Variants in CEP290 observed in about 807,000 individuals in gnomAD.
The protein encoded by CEP290 is centrosomal protein of 290 kDa.
CEP290 carries 317 observed loss-of-function variants against 344.9 expected under a neutral mutation model. The observed-to-expected ratio is 0.92, with a 90% confidence interval of 0.84 to 1.01. CEP290 has a LOEUF of 1.01. Ranked by LOEUF, CEP290 falls within the 50% of genes least tolerant of loss-of-function variation. The probability of loss-of-function intolerance (pLI) is 0.00; values close to 1 mark genes in which losing one functional copy is unlikely to be tolerated. For missense variants in CEP290, 2,754 were observed against 2,761.4 expected, an observed-to-expected ratio of 1.00 and a Z score of 0.06; for synonymous variants, 932 against 895.8, an observed-to-expected ratio of 1.04 and a Z score of -0.72.
intron 34 of CEP290, among the ~76,000 whole-genome samples, chr12:88,085,455 A>G (rs994657715): frequency 6.6e-6 from 1 of 152,098 alleles, no homozygotes; most frequent in Admixed American, 6.5e-5. Flanking sequence ...AATGATTAAA[A>G]ATGTACAGTT....
chr12:88,087,876 G>T lies in CEP290; in HGVS notation c.4098C>A (p.Val1366=). Residue 1366 remains valine (V), a synonymous_variant, in exon 32 of 54, where the codon GTC becomes GTA. Coordinates refer to ENST00000552810, the MANE Select transcript of CEP290 (RefSeq NM_025114.4). ...AATATTTTATTTCTTCTTTATCCTT[G>T]ACTAATTCCCGATTTAGTTTAAGTT... is the stretch of plus-strand genomic sequence containing the variant. ...LQELKLNREL[V]KDKEEIKYLN... 2 of 1,231,344 alleles carry T rather than the reference G, an allele frequency of 1.6e-6. No individual in the cohort carries two copies. Among genetic ancestry groups the T allele is most frequent in the Non-Finnish European group, 1.0e-6 (1 of 960,248 alleles). 76.3% of individuals were successfully genotyped at this position (1,231,344 alleles called of 1,614,324 possible). A position where few individuals can be genotyped will look rare whatever the true frequency, so the allele number is the denominator to read the frequency against.
chr12:88,077,137 C>G (rs941857589), intron 41 of CEP290, 85 bp downstream of exon 41: 2 of 1,264,770 alleles, frequency 1.6e-6, no homozygotes, highest in Non-Finnish European at 2.2e-6. Context: ...CAAATTAAGG[C>G]AGTATATTAA....
intron 41 of CEP290, 26 bp downstream of exon 41, chr12:88,077,196 A>AT: frequency 1.3e-6 from 2 of 1,593,078 alleles, no homozygotes; most frequent in Non-Finnish European, 1.7e-6. Flanking sequence ...CCTTAAGCAT[A>AT]TAAGTCAGTA....
intron 6 of CEP290, among the ~76,000 whole-genome samples, chr12:88,133,421 T>C (rs1173812474): frequency 6.6e-6 from 1 of 152,184 alleles, no homozygotes; most frequent in Non-Finnish European, 1.5e-5. Context: ...TAGTATTCTA[T>C]GATGTATATG....
intron 1 of CEP290, 99 bp from the exon 2 acceptor site, chr12:88,141,433 C>T (rs748330021): frequency 1.1e-5 from 6 of 551,976 alleles, no homozygotes; most frequent in South Asian, 3.7e-5. Flanking sequence ...TTATAACTTT[C>T]TGATGTTAGC....
chr12:88,138,063 T>C (rs1187525662), intron 5 of CEP290, among the ~76,000 whole-genome samples: 1 of 152,186 alleles, frequency 6.6e-6, no homozygotes. Context: ...GAATTCACTA[T>C]AGTCTCTCAC....
intron 10 of CEP290, 102 bp from the exon 11 acceptor site, chr12:88,129,137 TACAC>T (rs2039911490): frequency 4.2e-6 from 2 of 475,042 alleles, no homozygotes; most frequent in Non-Finnish European, 6.6e-6. Context: ...TATATCTACA[TACAC>T]ACACATACGT....
In CEP290 at chr12:88,062,709, G is replaced by A; in HGVS notation, c.6340C>T (p.Leu2114Phe). ...KKEKAEVQRK[L>F]GHVRGSGRSG... ...TCACATACCCCTCTAACATGGCCAAGTTTCCGCTGAACTTCTGCTTTTTCT... is the reference window on the plus strand; with the variant it reads ...TCACATACCCCTCTAACATGGCCAAATTTCCGCTGAACTTCTGCTTTTTCT... Residue 2114 changes from leucine (L) to phenylalanine (F), a missense_variant, in exon 46 of 54, where the codon CTT (leucine) becomes TTT (phenylalanine). Leu to Phe is a conservative substitution (Grantham distance 22, BLOSUM62 0). Transcript: ENST00000552810. 2 of 1,604,174 alleles carry A rather than the reference G, an allele frequency of 1.2e-6. No individual in the cohort carries two copies. Among genetic ancestry groups the A allele is most frequent in the Non-Finnish European group, 1.7e-6 (2 of 1,174,634 alleles).
chr12:88,060,022 T>C lies in CEP290; in HGVS notation c.6523-2A>G, dbSNP rs2034343877. The C allele has an allele frequency of 2.0e-6, 3 of 1,536,222 alleles. No individual in the cohort carries two copies. Among genetic ancestry groups the C allele is most frequent in the Middle Eastern group, 1.7e-4 (1 of 5,962 alleles). ...AGCTTTAAGTTTTTCTAATTCAGCC[T>C]AGTAAAAAAACAAACAAAATAAAAA... is the stretch of plus-strand genomic sequence containing the variant. On this transcript the variant is annotated splice_acceptor_variant, in intron 47 of 53. Transcript: ENST00000552810. LOFTEE classifies it high-confidence loss of function.
chr12:88,138,144 G>A (rs1445677513), intron 5 of CEP290, among the ~76,000 whole-genome samples: 3 of 151,868 alleles, frequency 2.0e-5, no homozygotes, highest in African/African-American at 4.8e-5. Context: ...CCTGTCCTTC[G>A]ACCTCACAGG....
rs531851010 is a variant in CEP290, at chr12:88,136,802, C to A, written c.298-16G>T. ...GCTGAGCCATCTTAAAGTAATAAAC[C>A]CAAAGTATAAATTAATCCCATTATA... On this transcript the variant is annotated splice_polypyrimidine_tract_variant and intron_variant, in intron 5 of 53. Transcript: ENST00000552810. 1.5e-5 allele frequency: 24 copies of A among 1,610,840 alleles called. No individual in the cohort carries two copies. The East Asian group carries it at 4.2e-4, about 28-fold the overall frequency.
chr12:88,114,536 G>A lies in CEP290; in HGVS notation c.1936C>T (p.Gln646Ter), dbSNP rs780225183. ...KLKELVEENKQLEEGMKEILQ... is the reference protein window; with the variant it reads ...KLKELVEENK ...ATTTCTTTCATACCTTCTTCAAGTT[G>A]CTTATTTTCTTCAACTAATTCTTTT... The change falls in exon 20 of 54, where the codon CAA (glutamine) becomes TAA (stop). Residue 646 changes from glutamine (Q) to a stop codon, truncating the protein, a stop_gained. Coordinates refer to ENST00000552810, the MANE Select transcript of CEP290 (RefSeq NM_025114.4). LOFTEE classifies it high-confidence loss of function. 12 of 1,536,580 alleles carry A rather than the reference G, an allele frequency of 7.8e-6. No homozygotes were observed. Among genetic ancestry groups the A allele is most frequent in the Non-Finnish European group, 1.1e-5 (12 of 1,141,496 alleles).
rs1267404843 is a variant in CEP290 at position 88,129,735 on chromosome 12, T to G, written c.811A>C (p.Ile271Leu). 2 of 1,474,320 alleles carry G rather than the reference T, an allele frequency of 1.4e-6. No individual in the cohort carries two copies. The highest frequency in any genetic ancestry group is 4.7e-5 in the Admixed American group (2 of 42,644). 91.3% of individuals were successfully genotyped at this position (1,474,320 alleles called of 1,614,324 possible). Residue 271 changes from isoleucine to leucine, a missense_variant, in exon 10 of 54, where the codon ATA (isoleucine) becomes CTA (leucine). Ile to Leu is a conservative substitution (Grantham distance 5). Coordinates refer to ENST00000552810, the MANE Select transcript of CEP290 (RefSeq NM_025114.4). ...TCGTTTTCTTTTTTTAACTGATCTATTACATTATCTGTCTGATGCACAATA... is the reference window on the plus strand; with the variant it reads ...TCGTTTTCTTTTTTTAACTGATCTAGTACATTATCTGTCTGATGCACAATA... Reference protein sequence around the residue: ...KAIVHQTDNVIDQLKKENDHY... With the variant: ...KAIVHQTDNVLDQLKKENDHY...
rs1301298077 is a variant in CEP290 at position 88,084,809 on chromosome 12, T to C, written c.4481A>G (p.Asn1494Ser). ...GATTACTTTGTCTCTTGACAGTATA[T>C]TTTGTTCTGCTAACCTTAAAGCAGA... ...KESALRLAEQNILSRDKVINE... is the reference protein window; with the variant it reads ...KESALRLAEQSILSRDKVINE... Residue 1494 changes from asparagine to serine, a missense_variant, in exon 35 of 54, where the codon AAT (asparagine) becomes AGT (serine). Asn to Ser is a conservative substitution (Grantham distance 46). Transcript: ENST00000552810. 1.2e-6 allele frequency: 2 copies of C among 1,607,966 alleles called. No homozygotes were observed. The highest frequency in any genetic ancestry group is 1.7e-6 in the Non-Finnish European group (2 of 1,177,572).
At chr12:88,115,950 A>G (rs1407817862) in intron 18 of CEP290, 2 of 984,588 alleles carry the variant, frequency 2.0e-6, no homozygotes, top group East Asian at 1.1e-4. Flanking sequence ...TTTCAAATTG[A>G]TATCAGCATA....
Position 88,050,406 on chromosome 12 carries a change from TTTA to T in CEP290, c.7154_7156del (p.Ile2385del). ...CATTTTGAGCTGTGTCTCTAGATCT[TTTA>T]TTTTTTCCTTTAGTTGATCAGCATC... On this transcript the variant is annotated inframe_deletion, in exon 53 of 54. Coordinates refer to ENST00000552810, the MANE Select transcript of CEP290 (RefSeq NM_025114.4). 1 of 1,563,598 alleles carries T rather than the reference TTTA, an allele frequency of 6.4e-7. No homozygotes were observed. The highest frequency in any genetic ancestry group is 1.2e-5 in the South Asian group (1 of 85,546).
In CEP290 at chr12:88,064,245, T is replaced by C. The variant is rs2034716584; in HGVS notation, c.6136-130A>G. On this transcript the variant is annotated intron_variant, in intron 44 of 53. Transcript: ENST00000552810. ...AAAGGAATATGAGAAAATCGGAGTG[T>C]TCTGGTGAAAGCCAAAAATAAATAA... is the stretch of plus-strand genomic sequence containing the variant. The C allele has an allele frequency of 6.8e-6, 5 of 734,778 alleles. No homozygotes were observed. In the South Asian group the frequency reaches 8.4e-5, roughly 12 times the overall value. 45.5% of individuals were successfully genotyped at this position (734,778 alleles called of 1,614,324 possible).
intron 44 of CEP290, among the ~76,000 whole-genome samples, chr12:88,067,416 G>A (rs941207877): frequency 2.6e-5 from 4 of 152,140 alleles, no homozygotes; most frequent in African/African-American, 4.8e-5. Flanking sequence ...GGACGGCCAC[G>A]TAGCCAAACC....
chr12:88,071,377 TCCCAAAACCTGATCAACA>T lies in CEP290; in HGVS notation c.5910_5927del (p.Val1971_Gly1976del), dbSNP rs2035362166. 1 of 1,611,566 alleles carries T rather than the reference TCCCAAAACCTGATCAACA, an allele frequency of 6.2e-7. No homozygotes were observed. Among genetic ancestry groups the T allele is most frequent in the South Asian group, 1.1e-5 (1 of 90,672 alleles). Reference sequence around the variant, plus strand: ...CTTTTTCTGACTCCAAAGCTCGTATTCCCAAAACCTGATCAACAGTCATGCCAGTTGTTTTTAGTTTCC... The same window carrying T: ...CTTTTTCTGACTCCAAAGCTCGTATTGTCATGCCAGTTGTTTTTAGTTTCC... On this transcript the variant is annotated inframe_deletion, in exon 43 of 54. Transcript: ENST00000552810.
Sources: gnomAD v4.1 joint callset for allele counts (sites outside exome capture counted in the v4.1 genomes callset) on GRCh38, gnomAD v4.1.1 for gene constraint, MANE v1.5 for transcripts, NCBI Gene and HGNC (gene_info 2026-07-23, HGNC 2026-07-21) for gene names.